The following ANK3 variants were observed in gnomAD, a reference collection of about 807,000 sequenced individuals.
ANK3 encodes the protein ankyrin-3.
A neutral mutation model predicts 370.9 loss-of-function variants in ANK3; 57 were observed. The ratio of observed to expected loss-of-function variants is 0.15; its 90% CI spans 0.12 to 0.19. ANK3 has a LOEUF of 0.19. Ranked by LOEUF, ANK3 falls within the 10% of genes least tolerant of loss-of-function variation. ANK3 has a pLI of 1.00. For synonymous variants in ANK3, 1,929 were observed against 1,946.3 expected (o/e 0.99, Z 0.23); for missense variants, 4,439 against 5,302.1 (o/e 0.84, Z 5.06).
At chr10:60,317,983 A>T (rs1335229336) in intron 1 of ANK3, among the ~76,000 whole-genome samples, 1 of 151,184 alleles carries the variant, frequency 6.6e-6, no homozygotes, top group Non-Finnish European at 1.5e-5. Context: ...TCATGAGAGA[A>T]TTTTGACATA....
At chr10:60,067,646 A>G (rs1214440766) in intron 38 of ANK3, among the ~76,000 whole-genome samples, 1 of 152,202 alleles carries the variant, frequency 6.6e-6, no homozygotes, top group Non-Finnish European at 1.5e-5. Context: ...ATTCAGTAGA[A>G]GGTTAACCTA....
intron 1 of ANK3, among the ~76,000 whole-genome samples, chr10:60,324,034 C>G (rs1181432518): frequency 6.6e-6 from 1 of 152,096 alleles, no homozygotes; most frequent in Admixed American, 6.5e-5. Flanking sequence ...GTGAGCAACT[C>G]AAACATCTGA....
intron 8 of ANK3, among the ~76,000 whole-genome samples, chr10:60,218,493 T>C (rs987398442): frequency 3.3e-5 from 5 of 152,218 alleles, no homozygotes; most frequent in African/African-American, 4.8e-5. Flanking sequence ...ATGGAATCCC[T>C]CAGCATTTGC....
chr10:60,663,253 G>A (rs574139204), intron 1 of ANK3, among the ~76,000 whole-genome samples: 1 of 152,320 alleles, frequency 6.6e-6, no homozygotes, highest in South Asian at 2.1e-4. Context: ...TGTGGGGAAA[G>A]GGCCACTGAT....
At chr10:60,127,144 A>G (rs1048232435) in intron 25 of ANK3, among the ~76,000 whole-genome samples, 2 of 152,204 alleles carry the variant, frequency 1.3e-5, no homozygotes, top group African/African-American at 2.4e-5. Context: ...ACCCCAGTAG[A>G]GTTTCTCTTT....
intron 18 of ANK3, among the ~76,000 whole-genome samples, chr10:60,175,257 C>G (rs925031080): frequency 6.6e-6 from 1 of 152,186 alleles, no homozygotes; most frequent in Admixed American, 6.5e-5. Context: ...TTCAAAAATA[C>G]ATGGGCATGG....
chr10:60,467,255 A>T (rs1025749594), intron 2 of ANK3, among the ~76,000 whole-genome samples: 2 of 152,212 alleles, frequency 1.3e-5, no homozygotes, highest in African/African-American at 4.8e-5. Context: ...CTTTCATAGG[A>T]GAAAAGAGCA....
chr10:60,350,682 C>T (rs1237307737), intron 1 of ANK3, among the ~76,000 whole-genome samples: 1 of 152,134 alleles, frequency 6.6e-6, no homozygotes, highest in Non-Finnish European at 1.5e-5. Context: ...AAGATAAAAG[C>T]AACTGAAGGT....
chr10:60,540,897 A>G (rs1255180251), intron 2 of ANK3, among the ~76,000 whole-genome samples: 1 of 151,966 alleles, frequency 6.6e-6, no homozygotes, highest in Non-Finnish European at 1.5e-5. Context: ...TTTCACTCCA[A>G]GTATATTGTA....
Position 60,029,115 on chromosome 10 carries a change from ATTTGT to A in ANK3, c.*726_*730del, listed in dbSNP as rs1453189636. 6.6e-6 allele frequency: 1 copy of A among 152,542 alleles called. No homozygotes were observed. The highest frequency in any genetic ancestry group is 1.5e-5 in the Non-Finnish European group (1 of 68,026). 9.4% of individuals were successfully genotyped at this position (152,542 alleles called of 1,614,324 possible). A position where few individuals can be genotyped will look rare whatever the true frequency, so the allele number is the denominator to read the frequency against. ...TTTAAATTTGCAGCAGATTTTAAAG[ATTTGT>A]TTTTTTTTAAAATCAAGCTAGCAGT... On this transcript the variant is annotated 3_prime_UTR_variant, in exon 44 of 44. Coordinates refer to ENST00000280772, the MANE Select transcript of ANK3 (RefSeq NM_020987.5).
chr10:60,382,050 G>C (rs1036618828), intron 1 of ANK3, among the ~76,000 whole-genome samples: 1 of 152,042 alleles, frequency 6.6e-6, no homozygotes. Flanking sequence ...TTACAAAATT[G>C]TACTTTATTA....
intron 2 of ANK3, among the ~76,000 whole-genome samples, chr10:60,509,295 G>A (rs1452194438): frequency 6.6e-6 from 1 of 151,846 alleles, no homozygotes; most frequent in Non-Finnish European, 1.5e-5. Context: ...AGCACAACTA[G>A]TATGCATGAG....
chr10:60,266,947 G>C (rs1332159446), intron 5 of ANK3, among the ~76,000 whole-genome samples: 1 of 152,146 alleles, frequency 6.6e-6, no homozygotes, highest in African/African-American at 2.4e-5. Flanking sequence ...CAAATATACT[G>C]TGTGCTTCAG....
chr10:60,549,464 G>C (rs2077042563), intron 2 of ANK3, among the ~76,000 whole-genome samples: 1 of 152,096 alleles, frequency 6.6e-6, no homozygotes, highest in Admixed American at 6.5e-5. Flanking sequence ...TGTGCGTGCT[G>C]TTTAGAGAAC....
chr10:60,063,982 CTAAAT>C (rs2081134535), intron 39 of ANK3, among the ~76,000 whole-genome samples, 170 bp downstream of exon 39: 1 of 152,164 alleles, frequency 6.6e-6, no homozygotes, highest in African/African-American at 2.4e-5. Flanking sequence ...ACTGTTAACA[CTAAAT>C]TAAACAAGTA....
chr10:60,204,347 CA>C (rs1484772647), intron 11 of ANK3, among the ~76,000 whole-genome samples: 5 of 152,154 alleles, frequency 3.3e-5, no homozygotes, highest in Non-Finnish European at 7.3e-5. Context: ...ACTCAAACAT[CA>C]GCCAAGAATT....
chr10:60,426,080 G>A (rs527802250), intron 2 of ANK3, among the ~76,000 whole-genome samples: 1 of 152,076 alleles, frequency 6.6e-6, no homozygotes, highest in Admixed American at 6.6e-5. Flanking sequence ...AAAGCTTGAA[G>A]TGGTATACAA....
intron 1 of ANK3, among the ~76,000 whole-genome samples, chr10:60,658,774 GA>G (rs145494992): frequency 0.034 from 5,106 of 152,056 alleles, 138 homozygotes; most frequent in Non-Finnish European, 0.053. Flanking sequence ...TTTCTCTAAA[GA>G]TTATTGGTCT....
At chr10:60,298,409 G>A (rs1303834529) in intron 1 of ANK3, among the ~76,000 whole-genome samples, 3 of 152,124 alleles carry the variant, frequency 2.0e-5, no homozygotes. Flanking sequence ...TTCAGCTCAT[G>A]CAGATAAAGT....
Sources: allele counts gnomAD v4.1 joint callset (sites outside exome capture counted in the v4.1 genomes callset), GRCh38; gene constraint gnomAD v4.1.1; transcripts MANE v1.5; gene names NCBI Gene and HGNC (gene_info 2026-07-23, HGNC 2026-07-21).